The following ANKS6 variants were observed in gnomAD, a reference collection of about 807,000 sequenced individuals.
ANKS6 encodes ankyrin repeat and sterile alpha motif domain containing 6, also known as ankyrin repeat and SAM domain-containing protein 6.
A neutral mutation model predicts 77.9 loss-of-function variants in ANKS6; 47 were observed. The observed-to-expected ratio is 0.60, with a 90% CI of 0.48 to 0.77. ANKS6 has a LOEUF of 0.77. Ranked by LOEUF, ANKS6 falls within the 30% of genes least tolerant of loss-of-function variation. ANKS6 has a pLI of 0.00. For synonymous variants in ANKS6, 488 were observed against 501.7 expected, an observed-to-expected ratio of 0.97 and a Z score of 0.37; for missense variants, 1,150 against 1,159.1, an observed-to-expected ratio of 0.99 and a Z score of 0.11.
chr9:98,776,420 A>G (rs980608201), intron 8 of ANKS6, among the ~76,000 whole-genome samples: 7 of 147,096 alleles, frequency 4.8e-5, no homozygotes, highest in Non-Finnish European at 7.5e-5. Flanking sequence ...TTTTTTTTAA[A>G]GACAGAATCT....
At chr9:98,751,649 G>T (rs1346222416) in intron 12 of ANKS6, among the ~76,000 whole-genome samples, 1 of 152,124 alleles carries the variant, frequency 6.6e-6, no homozygotes, top group African/African-American at 2.4e-5. Context: ...GATGATTTGG[G>T]GTGTCAGAAC....
chr9:98,768,132 G>A lies in ANKS6; in HGVS notation c.2091C>T (p.Ser697=). The part of the protein sequence containing the change: ...SSPVGPAPGS[S]PSELPASPAG... ...CAGGGGAGGCTGGAAGCTCAGACGGGCTGGACCCCGGTGCTGGCCCCACAG... is the reference window on the plus strand; with the variant it reads ...CAGGGGAGGCTGGAAGCTCAGACGGACTGGACCCCGGTGCTGGCCCCACAG... The change falls in exon 11 of 15, where the codon AGC becomes AGT. Residue 697 remains serine (S), a synonymous_variant. Coordinates refer to ENST00000353234, the MANE Select transcript of ANKS6 (RefSeq NM_173551.5). The A allele has an allele frequency of 6.2e-7, 1 of 1,613,272 alleles. No homozygotes were observed. Among genetic ancestry groups the A allele is most frequent in the Non-Finnish European group, 8.5e-7 (1 of 1,179,796 alleles).
rs762668514 is a variant in ANKS6 at position 98,790,296 on chromosome 9, C to G, written c.670G>C (p.Val224Leu). Residue 224 changes from valine to leucine, a missense_variant, in exon 2 of 15, where the codon GTG becomes CTG. Physicochemically the swap from Val to Leu is conservative, Grantham distance 32. Transcript: ENST00000353234. Reference sequence around the variant, plus strand: ...GCCAGCATCAGCGGGCTCCAGCCCACGGTCCGGGCTGCGTGGTTGGGGTCC... The same window carrying G: ...GCCAGCATCAGCGGGCTCCAGCCCAGGGTCCGGGCTGCGTGGTTGGGGTCC... Reference protein sequence around the residue: ...GADPNHAARTVGWSPLMLAAL... With the variant: ...GADPNHAARTLGWSPLMLAAL... 9 of 1,603,984 alleles carry G rather than the reference C, an allele frequency of 5.6e-6. No homozygotes were observed. Among genetic ancestry groups the G allele is most frequent in the Non-Finnish European group, 7.7e-6 (9 of 1,173,582 alleles).
chr9:98,790,677 T>G, intron 1 of ANKS6, 71 bp from the exon 2 acceptor site: 1 of 1,527,956 alleles, frequency 6.5e-7, no homozygotes, highest in African/African-American at 1.4e-5. Context: ...TCATCCTTAA[T>G]TGGCATGAAT....
At chr9:98,741,896 G>T (rs1831853232) in intron 14 of ANKS6, among the ~76,000 whole-genome samples, 1 of 152,152 alleles carries the variant, frequency 6.6e-6, no homozygotes, top group Non-Finnish European at 1.5e-5. Flanking sequence ...CAATCTTATT[G>T]ATTGTGTAAA....
chr9:98,792,218 C>T (rs746605779), intron 1 of ANKS6, among the ~76,000 whole-genome samples: 48 of 152,124 alleles, frequency 3.2e-4, no homozygotes, highest in Admixed American at 1.0e-3. Context: ...CTCAGCACAC[C>T]CCCACCGTGT....
chr9:98,791,026 G>T lies in ANKS6; in HGVS notation c.360-420C>A, dbSNP rs114435922. On this transcript the variant is annotated intron_variant, in intron 1 of 14. Coordinates refer to ENST00000353234, the MANE Select transcript of ANKS6 (RefSeq NM_173551.5). The surrounding 1 kb of genome is among the most constrained non-coding windows in gnomAD (Gnocchi z 4.3). ...TAGGTATTATAATTGTTCATGTTAC[G>T]TTATTCAACGTGCCAAGGGTTACCC... Among the ~76,000 whole-genome samples the T allele has an allele frequency of 5.9e-3, 894 of 152,332 alleles. 8 individuals are homozygous for T. The highest frequency in any genetic ancestry group is 0.02 in the African/African-American group (839 of 41,564).
intron 10 of ANKS6, among the ~76,000 whole-genome samples, chr9:98,769,359 TTAAA>T (rs1208895591): frequency 3.3e-5 from 5 of 151,888 alleles, no homozygotes; most frequent in Non-Finnish European, 7.4e-5. Flanking sequence ...TCCAGCAAAT[TTAAA>T]TAAATGAAAT....
At chr9:98,769,445 A>C (rs889435775) in intron 10 of ANKS6, among the ~76,000 whole-genome samples, 2 of 152,208 alleles carry the variant, frequency 1.3e-5, no homozygotes, top group African/African-American at 4.8e-5. Flanking sequence ...AAAAGCAAAA[A>C]TCTAGGAACA....
chr9:98,794,647 T>C (rs958121613), intron 1 of ANKS6, among the ~76,000 whole-genome samples: 4 of 152,168 alleles, frequency 2.6e-5, no homozygotes, highest in African/African-American at 7.2e-5. Flanking sequence ...ACTGATGATC[T>C]GGGGTCTCTG....
intron 11 of ANKS6, among the ~76,000 whole-genome samples, chr9:98,760,705 A>G (rs1283010564): frequency 8.5e-5 from 13 of 152,230 alleles, no homozygotes; most frequent in Admixed American, 8.5e-4. Flanking sequence ...GGATTCATTC[A>G]AGCAATCGCA....
At chr9:98,770,739 G>A (rs1159386151) in intron 10 of ANKS6, among the ~76,000 whole-genome samples, 157 bp downstream of exon 10, 1 of 152,128 alleles carries the variant, frequency 6.6e-6, no homozygotes, top group Non-Finnish European at 1.5e-5. Context: ...ACTCTGAATT[G>A]GGAATTCACT....
At chr9:98,741,200 T>C (rs576893614) in intron 14 of ANKS6, among the ~76,000 whole-genome samples, 27 of 152,364 alleles carry the variant, frequency 1.8e-4, no homozygotes, top group African/African-American at 6.0e-4. Flanking sequence ...TGCAAATTTA[T>C]ATGAAAAAGA....
intron 9 of ANKS6, 135 bp downstream of exon 9, chr9:98,773,742 G>T: frequency 1.5e-6 from 1 of 665,894 alleles, no homozygotes; most frequent in South Asian, 3.4e-5. Flanking sequence ...TAGACAAAAG[G>T]ATATCATCCA....
In ANKS6 at chr9:98,756,588, T is replaced by A; in HGVS notation, c.2158A>T (p.Lys720Ter). Residue 720 changes from lysine (K) to a stop codon, truncating the protein, a stop_gained, in exon 12 of 15, where the codon AAA (lysine) becomes TAA (stop). Transcript: ENST00000353234. LOFTEE classifies it high-confidence loss of function. ...GTGGAAGTTCCAGATGGAGGCCTTT[T>A]GCTGGTCTCCAATTTCTGCTGAACA... ...APVGKKLETS[K>*]RPPSGTSTTS... 6.5e-7 allele frequency: 1 copy of A among 1,540,852 alleles called. No homozygotes were observed. Among genetic ancestry groups the A allele is most frequent in the Non-Finnish European group, 8.7e-7 (1 of 1,147,372 alleles).
rs79414550 is a variant in ANKS6, at chr9:98,756,543, G to C, written c.2203C>G (p.Pro735Ala). Residue 735 changes from proline (P) to alanine (A), a missense_variant, in exon 12 of 15, where the codon CCA (proline) becomes GCA (alanine). Physicochemically the swap from Pro to Ala is conservative, Grantham distance 27. Coordinates refer to ENST00000353234, the MANE Select transcript of ANKS6 (RefSeq NM_173551.5). Reference protein sequence around the residue: ...GTSTTSKSTSPTLTPSPSPKG... With the variant: ...GTSTTSKSTSATLTPSPSPKG... ...GGTGAGGGGGAGGGCGTGAGGGTTG[G>C]AGAGGTGCTCTTGGAGGTAGTGGAA... 1.9e-3 allele frequency: 3,048 copies of C among 1,593,224 alleles called. 43 individuals are homozygous for C. The African/African-American group carries it at 0.033, about 17-fold the overall frequency.
chr9:98,772,872 T>C (rs187966210), intron 9 of ANKS6, among the ~76,000 whole-genome samples: 2 of 152,136 alleles, frequency 1.3e-5, no homozygotes, highest in Non-Finnish European at 2.9e-5. Context: ...CTCCTAACAC[T>C]GCTCCCTGCC....
At chr9:98,792,704 G>A (rs891671254) in intron 1 of ANKS6, among the ~76,000 whole-genome samples, 4 of 152,092 alleles carry the variant, frequency 2.6e-5, no homozygotes, top group Admixed American at 6.5e-5. Flanking sequence ...AATAAACCCC[G>A]AGATAAACTC....
chr9:98,743,998 C>T (rs1252707472), intron 14 of ANKS6, among the ~76,000 whole-genome samples: 1 of 152,192 alleles, frequency 6.6e-6, no homozygotes, highest in Non-Finnish European at 1.5e-5. Context: ...CCTTACCCCC[C>T]TGCCCTCCCC....
Sources: gnomAD v4.1 joint callset for allele counts (sites outside exome capture counted in the v4.1 genomes callset) on GRCh38, gnomAD v4.1.1 for gene constraint, Gnocchi (gnomAD v3.1) non-coding constraint, MANE v1.5 for transcripts, NCBI Gene and HGNC (gene_info 2026-07-23, HGNC 2026-07-21) for gene names.